SF3A2: variants seen among roughly 807,000 people sequenced by gnomAD.
SF3A2 encodes the protein splicing factor 3a subunit 2, also known as SAP 62.
SF3A2 carries 5 observed loss-of-function variants against 31.1 expected under a neutral mutation model. The observed-to-expected ratio is 0.16, with a 90% CI of 0.08 to 0.34. The LOEUF (loss-of-function observed/expected upper bound fraction) is 0.34. Among genes scored for constraint, SF3A2 ranks in the 10% least tolerant of loss-of-function variants. The pLI is 1.00. For missense variants in SF3A2, 577 were observed against 643.9 expected (o/e 0.90, Z 1.13); for synonymous variants, 365 against 263.7 (o/e 1.38, Z -3.72).
chr19:2,247,722 C>T (rs769377019), intron 8 of SF3A2, 45 bp from the exon 9 acceptor site: 2 of 1,610,750 alleles, frequency 1.2e-6, no homozygotes, highest in Non-Finnish European at 1.7e-6. Context: ...CCTAGCCCTG[C>T]CCTAGCCCCA....
At chr19:2,244,884 C>A in intron 4 of SF3A2, 105 bp downstream of exon 4, 1 of 1,051,950 alleles carries the variant, frequency 9.5e-7, no homozygotes, top group South Asian at 1.4e-5. Context: ...GCCAGCCTGG[C>A]CTGAGCCTCC....
chr19:2,241,527 A>G lies in SF3A2; in HGVS notation c.-37-1855A>G, dbSNP rs115757315. Among the ~76,000 whole-genome samples, 1,090 of 152,304 alleles carry G rather than the reference A, an allele frequency of 7.2e-3. 15 individuals are homozygous for G. Among genetic ancestry groups the G allele is most frequent in the African/African-American group, 0.025 (1,037 of 41,548 alleles). On this transcript the variant is annotated intron_variant, in intron 1 of 8. Coordinates refer to ENST00000221494, the MANE Select transcript of SF3A2 (RefSeq NM_007165.5). ...GAACCTGTCCGGGCGGCACCCACAC[A>G]ATCCTGCCCGCCTGTGGGCCGTCCG...
rs1195261957 is a variant in SF3A2 at position 2,247,538 on chromosome 19, A to T, written c.547-56A>T. 96 of 1,581,746 alleles carry T rather than the reference A, an allele frequency of 6.1e-5. 2 individuals are homozygous for T. In the South Asian group the frequency reaches 9.4e-4, roughly 16 times the overall value. ...GCTAGTGCCTCGGGCTCCCTGCCTG[A>T]TGGTCGCCCTGAGGTCACAGGGACC... On this transcript the variant is annotated intron_variant, in intron 7 of 8. Coordinates refer to ENST00000221494, the MANE Select transcript of SF3A2 (RefSeq NM_007165.5).
At chr19:2,240,878 C>G (rs1234337890) in intron 1 of SF3A2, among the ~76,000 whole-genome samples, 1 of 152,276 alleles carries the variant, frequency 6.6e-6, no homozygotes, top group Non-Finnish European at 1.5e-5. Context: ...TGTGCTGCCT[C>G]TTCCGCATGG....
chr19:2,248,170 C>CCCCCGGAGTCCACCCTCCAGA lies in SF3A2; in HGVS notation c.1025_1026insAGTCCACCCTCCAGACCCCGG (p.Pro346_Ala347insAspProGlyValHisProPro). 4.1e-6 allele frequency: 6 copies of CCCCCGGAGTCCACCCTCCAGA among 1,464,868 alleles called. No homozygotes were observed. Among genetic ancestry groups the CCCCCGGAGTCCACCCTCCAGA allele is most frequent in the Non-Finnish European group, 5.5e-6 (6 of 1,081,966 alleles). 90.7% of individuals were successfully genotyped at this position (1,464,868 alleles called of 1,614,324 possible). ...CCAGCTCCTGGAGTCCACCCTCCAGCCCCCGGGGTTCACCCACCAGCCCCC... is the reference window on the plus strand; with the variant it reads ...CCAGCTCCTGGAGTCCACCCTCCAGCCCCCGGAGTCCACCCTCCAGACCCCGGGGTTCACCCACCAGCCCCC... On this transcript the variant is annotated inframe_insertion, in exon 9 of 9. Transcript: ENST00000221494.
In SF3A2 at chr19:2,247,856, C is replaced by A; in HGVS notation, c.705C>A (p.Pro235=). 2 of 1,532,094 alleles carry A rather than the reference C, an allele frequency of 1.3e-6. No homozygotes were observed. The highest frequency in any genetic ancestry group is 1.8e-6 in the Non-Finnish European group (2 of 1,113,278). The allele number at this position is 1,532,094 out of a possible 1,614,324, so 94.9% of individuals were successfully genotyped here. A position where few individuals can be genotyped will look rare whatever the true frequency, so the allele number is the denominator to read the frequency against. Residue 235 remains proline (P), a synonymous_variant, in exon 9 of 9, where the codon CCC becomes CCA. Coordinates refer to ENST00000221494, the MANE Select transcript of SF3A2 (RefSeq NM_007165.5). ...AGPPGVKRPP[P]PLMNGLPPRP... The stretch of plus-strand genomic sequence containing the variant: ...CCCCTGGGGTGAAGCGGCCTCCACC[C>A]CCGCTGATGAACGGTCTGCCCCCTC...
intron 1 of SF3A2, among the ~76,000 whole-genome samples, chr19:2,239,356 C>A (rs1445001606): frequency 3.9e-4 from 39 of 100,018 alleles, no homozygotes; most frequent in Admixed American, 8.0e-4. Context: ...GAATCCGTCT[C>A]AAAAAAAAAA....
chr19:2,247,915 C>CTGGCGGGGGCGGTG lies in SF3A2; in HGVS notation c.764_765insTGGCGGGGGCGGTG (p.Pro256GlyfsTer195). 1 of 1,572,988 alleles carries CTGGCGGGGGCGGTG rather than the reference C, an allele frequency of 6.4e-7. No homozygotes were observed. Among genetic ancestry groups the CTGGCGGGGGCGGTG allele is most frequent in the Non-Finnish European group, 8.6e-7 (1 of 1,158,382 alleles). On this transcript the variant is annotated frameshift_variant, in exon 9 of 9. Coordinates refer to ENST00000221494, the MANE Select transcript of SF3A2 (RefSeq NM_007165.5). LOFTEE classifies it low-confidence loss of function (END_TRUNC). Reference sequence around the variant, plus strand: ...CTGCCTGAGTCTTTGCCACCGCCCCCGCCAGGAGGCCTGCCTCTGCCACCC... The same window carrying CTGGCGGGGGCGGTG: ...CTGCCTGAGTCTTTGCCACCGCCCCCTGGCGGGGGCGGTGGCCAGGAGGCCTGCCTCTGCCACCC...
rs1463931917 is a variant in SF3A2, at chr19:2,243,678, G to C, written c.126+134G>C. 7 of 1,073,070 alleles carry C rather than the reference G, an allele frequency of 6.5e-6. No individual in the cohort carries two copies. In the East Asian group the frequency reaches 1.9e-4, roughly 30 times the overall value. The allele number at this position is 1,073,070 out of a possible 1,614,324, so 66.5% of individuals were successfully genotyped here. On this transcript the variant is annotated intron_variant, in intron 2 of 8. Transcript: ENST00000221494. ...CAGCCCCGTGTCCAGACGCTCCCCT[G>C]TTGCCCCCGAGCAGCCACAGCTCCC...
rs1007421096 is a variant in SF3A2 at position 2,244,524 on chromosome 19, C to T, written c.127-20C>T. On this transcript the variant is annotated intron_variant, in intron 2 of 8. Transcript: ENST00000221494. Reference sequence around the variant, plus strand: ...AGGCCGCGATCTTCTGTCTAACGGGCCCCTGTTCTTCCCCTCCAGGACCCG... The same window carrying T: ...AGGCCGCGATCTTCTGTCTAACGGGTCCCTGTTCTTCCCCTCCAGGACCCG... 2 of 1,606,426 alleles carry T rather than the reference C, an allele frequency of 1.2e-6. No homozygotes were observed. The highest frequency in any genetic ancestry group is 3.3e-5 in the Admixed American group (2 of 59,736).
At position 2,248,101 on chromosome 19, in the gene SF3A2, C is replaced by A; in HGVS notation, c.950C>A (p.Pro317His). The change falls in exon 9 of 9, where the codon CCC becomes CAC. Residue 317 changes from proline (P) to histidine (H), a missense_variant. Transcript: ENST00000221494. ...CACCCCCCAGCTCCTGGCGTCCATC[C>A]CCCAGCCCCTGGGGTCCACCCACCA... ...GVHPPAPGVH[P>H]PAPGVHPPTS... 2 of 1,083,948 alleles carry A rather than the reference C, an allele frequency of 1.8e-6. No homozygotes were observed. Among genetic ancestry groups the A allele is most frequent in the Non-Finnish European group, 2.7e-6 (2 of 731,384 alleles). 67.1% of individuals were successfully genotyped at this position (1,083,948 alleles called of 1,614,324 possible). A position where few individuals can be genotyped will look rare whatever the true frequency, so the allele number is the denominator to read the frequency against.
chr19:2,247,364 A>T (rs545439160), intron 7 of SF3A2, among the ~76,000 whole-genome samples: 1 of 152,286 alleles, frequency 6.6e-6, no homozygotes, highest in Admixed American at 6.5e-5. Context: ...CAGGAAACAA[A>T]TAATACAAAC....
chr19:2,244,971 G>C (rs1392530777), intron 4 of SF3A2, 192 bp downstream of exon 4: 1 of 600,732 alleles, frequency 1.7e-6, no homozygotes, highest in Non-Finnish European at 3.0e-6. Flanking sequence ...GATCACTTGA[G>C]GTCAGGAGTT....
intron 1 of SF3A2, among the ~76,000 whole-genome samples, chr19:2,240,873 T>G (rs2024882969): frequency 6.6e-6 from 1 of 152,276 alleles, no homozygotes; most frequent in Non-Finnish European, 1.5e-5. Context: ...GAAGCTGTGC[T>G]GCCTCTTCCG....
rs751030537 is a variant in SF3A2 at position 2,246,722 on chromosome 19, A to G, written c.356-31A>G. 1.9e-6 allele frequency: 3 copies of G among 1,613,714 alleles called. No homozygotes were observed. The highest frequency in any genetic ancestry group is 8.5e-7 in the Non-Finnish European group (1 of 1,179,870). ...TTCCTCAGCTTCGGAGAGGACAAGC[A>G]GCCGGGACCTGAGAGCTTTCTGTGT... is the stretch of plus-strand genomic sequence containing the variant. On this transcript the variant is annotated intron_variant, in intron 5 of 8. Transcript: ENST00000221494. This position sits in a 1 kb window ranked among gnomAD's most constrained non-coding sequence, Gnocchi z 5.5.
In SF3A2 at chr19:2,246,652, C is replaced by G. The variant is rs945179851; in HGVS notation, c.356-101C>G. ...GTTGCCAGAGCTGCAGGGCCTCCCCCGGGGTCCCGCTCTCGTTCAGTGGGT... is the reference window on the plus strand; with the variant it reads ...GTTGCCAGAGCTGCAGGGCCTCCCCGGGGGTCCCGCTCTCGTTCAGTGGGT... On this transcript the variant is annotated intron_variant, in intron 5 of 8. Coordinates refer to ENST00000221494, the MANE Select transcript of SF3A2 (RefSeq NM_007165.5). The surrounding 1 kb of genome is among the most constrained non-coding windows in gnomAD (Gnocchi z 5.5). The G allele has an allele frequency of 2.9e-6, 4 of 1,384,254 alleles. No homozygotes were observed. Among genetic ancestry groups the G allele is most frequent in the Non-Finnish European group, 3.0e-6 (3 of 994,662 alleles). 85.7% of individuals were successfully genotyped at this position (1,384,254 alleles called of 1,614,324 possible).
chr19:2,248,175 G>A lies in SF3A2; in HGVS notation c.1024G>A (p.Gly342Arg), dbSNP rs1176871698. The change falls in exon 9 of 9, where the codon GGG becomes AGG. Residue 342 changes from glycine (G) to arginine (R), a missense_variant. Transcript: ENST00000221494. ...TCCTGGAGTCCACCCTCCAGCCCCC[G>A]GGGTTCACCCACCAGCCCCCGGAGT... ...PAPGVHPPAPGVHPPAPGVHP... is the reference protein window; with the variant it reads ...PAPGVHPPAPRVHPPAPGVHP... 1.3e-5 allele frequency: 18 copies of A among 1,399,176 alleles called. No individual in the cohort carries two copies. The African/African-American group carries it at 1.3e-4, about 10-fold the overall frequency. 86.7% of individuals were successfully genotyped at this position (1,399,176 alleles called of 1,614,324 possible).
chr19:2,248,248 C>T lies in SF3A2; in HGVS notation c.1097C>T (p.Pro366Leu). 1 of 1,423,380 alleles carries T rather than the reference C, an allele frequency of 7.0e-7. No individual in the cohort carries two copies. The highest frequency in any genetic ancestry group is 9.2e-7 in the Non-Finnish European group (1 of 1,085,362). 88.2% of individuals were successfully genotyped at this position (1,423,380 alleles called of 1,614,324 possible). The change falls in exon 9 of 9, where the codon CCT (proline) becomes CTT (leucine). Residue 366 changes from proline (P) to leucine (L), a missense_variant. Around this residue, in one of 6 missense-constraint regions of SF3A2, gnomAD observed 462 missense variants for 339.1 expected, o/e 1.36. Coordinates refer to ENST00000221494, the MANE Select transcript of SF3A2 (RefSeq NM_007165.5). ...GVHPPAPGVHPPPSAGVHPQA... is the reference protein window; with the variant it reads ...GVHPPAPGVHLPPSAGVHPQA... ...CACCCACCAGCCCCAGGGGTCCATCCTCCCCCATCAGCGGGGGTTCACCCC... is the reference window on the plus strand; with the variant it reads ...CACCCACCAGCCCCAGGGGTCCATCTTCCCCCATCAGCGGGGGTTCACCCC...
rs190658208 is a variant in SF3A2, at chr19:2,239,092, T to C, written c.-38+2191T>C. 1.8e-3 allele frequency among the ~76,000 whole-genome samples: 280 copies of C among 152,312 alleles called. 3 individuals are homozygous for C. Among genetic ancestry groups the C allele is most frequent in the African/African-American group, 6.0e-3 (248 of 41,576 alleles). On this transcript the variant is annotated intron_variant, in intron 1 of 8. Transcript: ENST00000221494. ...AAAATCTGTATTTGTAGGCCGGGCG[T>C]GGTGGCTCACGCCTGTAATCCCAGC...
Sources: allele counts gnomAD v4.1 joint callset (sites outside exome capture counted in the v4.1 genomes callset), GRCh38; gene constraint gnomAD v4.1.1; regional missense constraint gnomAD v4.1.1; non-coding constraint Gnocchi (gnomAD v3.1); transcripts MANE v1.5; gene names NCBI Gene and HGNC (gene_info 2026-07-23, HGNC 2026-07-21).